The following PIK3C2G variants were observed in gnomAD, a reference collection of about 807,000 sequenced individuals.
PIK3C2G encodes phosphatidylinositol 3-kinase C2 domain-containing subunit gamma.
PIK3C2G carries 168 observed loss-of-function variants against 181.1 expected under a neutral mutation model. That is an observed-to-expected ratio of 0.93 (90% CI 0.82 to 1.05). The LOEUF is 1.05. Among genes scored for constraint, PIK3C2G ranks in the 50% least tolerant of loss-of-function variants. PIK3C2G has a pLI of 0.00. For missense variants in PIK3C2G, 1,869 were observed against 1,732.8 expected (o/e 1.08, Z -1.40); for synonymous variants, 573 against 592.2 (o/e 0.97, Z 0.47).
chr12:18,623,018 T>G (rs1054339110), intron 31 of PIK3C2G, among the ~76,000 whole-genome samples: 2 of 152,068 alleles, frequency 1.3e-5, no homozygotes, highest in Admixed American at 1.3e-4. Flanking sequence ...GTTTATTGTT[T>G]CTTTTGCTGT....
chr12:18,628,193 T>C (rs1242015691), intron 31 of PIK3C2G, among the ~76,000 whole-genome samples: 1 of 152,152 alleles, frequency 6.6e-6, no homozygotes, highest in Non-Finnish European at 1.5e-5. Context: ...AATAGAGTTC[T>C]TTAAATATAG....
At chr12:18,446,286 C>T (rs113348161) in intron 18 of PIK3C2G, among the ~76,000 whole-genome samples, 18 of 152,218 alleles carry the variant, frequency 1.2e-4, no homozygotes, top group African/African-American at 4.3e-4. Flanking sequence ...GGTTCACCTC[C>T]GTGGACAACA....
At chr12:18,565,380 G>GAA (rs1387354078) in intron 28 of PIK3C2G, among the ~76,000 whole-genome samples, 6 of 152,148 alleles carry the variant, frequency 3.9e-5, no homozygotes, top group African/African-American at 1.4e-4. Context: ...ATCTTTTTTA[G>GAA]AAAAGTAATA....
intron 18 of PIK3C2G, among the ~76,000 whole-genome samples, chr12:18,458,661 C>T (rs1401194410): frequency 6.6e-6 from 1 of 151,986 alleles, no homozygotes; most frequent in Non-Finnish European, 1.5e-5. Flanking sequence ...CAACTAATCA[C>T]TAGAGCCCTT....
At chr12:18,692,450 A>C in the PIK3C2G span, among the ~76,000 whole-genome samples, 1 of 152,128 alleles carries the variant, frequency 6.6e-6, no homozygotes, top group Admixed American at 6.6e-5. Context: ...AAAAAGAAAA[A>C]CGTTTTGAAA....
At chr12:18,376,476 G>T (rs1453324559) in intron 13 of PIK3C2G, among the ~76,000 whole-genome samples, 3 of 152,184 alleles carry the variant, frequency 2.0e-5, no homozygotes, top group African/African-American at 7.2e-5. Context: ...TAGGTTGAAA[G>T]AACTGATCTC....
At chr12:18,658,112 A>G in the PIK3C2G span, among the ~76,000 whole-genome samples, 1 of 152,186 alleles carries the variant, frequency 6.6e-6, no homozygotes, top group Admixed American at 6.5e-5. Flanking sequence ...AAGAATTAGC[A>G]AACTTGAAAG....
intron 2 of PIK3C2G, 44 bp downstream of exon 2, chr12:18,282,803 A>T: frequency 4.9e-6 from 6 of 1,228,572 alleles, no homozygotes; most frequent in Non-Finnish European, 6.8e-6. Flanking sequence ...ATCTGAAAGA[A>T]TCATTCAATA....
intron 16 of PIK3C2G, among the ~76,000 whole-genome samples, chr12:18,404,448 A>G (rs572880745): frequency 6.6e-6 from 1 of 152,292 alleles, no homozygotes; most frequent in East Asian, 1.9e-4. Context: ...TTACCAGGCA[A>G]TGTGCTCTGT....
intron 14 of PIK3C2G, among the ~76,000 whole-genome samples, chr12:18,382,402 G>A (rs545245277): frequency 1.3e-5 from 2 of 152,212 alleles, no homozygotes; most frequent in Admixed American, 1.3e-4. Flanking sequence ...GGTGGTAAAT[G>A]ACTTCAGCCT....
the PIK3C2G span, among the ~76,000 whole-genome samples, chr12:18,717,353 T>C: frequency 6.6e-6 from 1 of 152,194 alleles, no homozygotes; most frequent in Non-Finnish European, 1.5e-5. Flanking sequence ...TGAATTTATG[T>C]CTTTACTTAG....
intron 18 of PIK3C2G, among the ~76,000 whole-genome samples, chr12:18,477,154 G>C (rs933484894): frequency 1.3e-5 from 2 of 152,044 alleles, no homozygotes; most frequent in African/African-American, 4.8e-5. Flanking sequence ...ATGGGATTAA[G>C]TCCCCAGTCT....
the PIK3C2G span, among the ~76,000 whole-genome samples, chr12:18,695,475 A>G: frequency 6.6e-6 from 1 of 152,154 alleles, no homozygotes; most frequent in South Asian, 2.1e-4. Context: ...TGCTGTTGTC[A>G]CTTGAGGAGA....
chr12:18,657,778 T>A, the PIK3C2G span, among the ~76,000 whole-genome samples: 6 of 152,042 alleles, frequency 3.9e-5, no homozygotes, highest in African/African-American at 1.2e-4. Context: ...CAACAAAAAA[T>A]TGTGAAGTGT....
Position 18,320,999 on chromosome 12 carries a change from T to G in PIK3C2G, c.1175T>G (p.Leu392Arg), listed in dbSNP as rs201637656. 31 of 1,569,536 alleles carry G rather than the reference T, an allele frequency of 2.0e-5. No individual in the cohort carries two copies. The African/African-American group carries it at 3.7e-4, about 19-fold the overall frequency. Residue 392 changes from leucine to arginine, a missense_variant, in exon 7 of 33, where the codon CTT (leucine) becomes CGT (arginine). By Grantham distance (102) the Leu-to-Arg change is moderately radical. Transcript: ENST00000538779. ...EDHSQFYLNQ[L>R]LEFMHIWKVS... is the part of the protein sequence containing the mutation. ...CACAGTCAGTTTTATCTGAATCAAC[T>G]TCTAGAATTTATGCATATTTGGAAA...
At chr12:18,629,533 A>C (rs1231774745) in intron 31 of PIK3C2G, among the ~76,000 whole-genome samples, 2 of 152,216 alleles carry the variant, frequency 1.3e-5, no homozygotes, top group Non-Finnish European at 2.9e-5. Flanking sequence ...CTAAGGATTA[A>C]TTCTGGGACT....
intron 16 of PIK3C2G, among the ~76,000 whole-genome samples, chr12:18,419,246 G>T (rs1276586303): frequency 6.6e-6 from 1 of 152,128 alleles, no homozygotes; most frequent in African/African-American, 2.4e-5. Context: ...TTGTTTTGTT[G>T]TGATGTTCCT....
intron 30 of PIK3C2G, among the ~76,000 whole-genome samples, chr12:18,604,360 T>C (rs2136559083): frequency 6.6e-6 from 1 of 152,140 alleles, no homozygotes; most frequent in Admixed American, 6.5e-5. Context: ...CCTAAACATA[T>C]ATGCACCTAA....
chr12:18,387,381 C>T (rs556226695), intron 14 of PIK3C2G, among the ~76,000 whole-genome samples: 1 of 152,244 alleles, frequency 6.6e-6, no homozygotes, highest in South Asian at 2.1e-4. Flanking sequence ...TAGCATGACC[C>T]CTGTCCCATC....
Sources: allele counts gnomAD v4.1 joint callset (sites outside exome capture counted in the v4.1 genomes callset), GRCh38; gene constraint gnomAD v4.1.1; transcripts MANE v1.5; gene names NCBI Gene and HGNC (gene_info 2026-07-23, HGNC 2026-07-21).